ATG10: variants seen among roughly 807,000 people sequenced by gnomAD.
ATG10 encodes autophagy related 10, also known as ubiquitin-like-conjugating enzyme ATG10.
A neutral mutation model predicts 32.1 loss-of-function variants in ATG10; 30 were observed. That is an observed-to-expected ratio of 0.94 (90% confidence interval 0.70 to 1.27). The LOEUF (loss-of-function observed/expected upper bound fraction) is 1.27, where lower values mean the gene tolerates loss of function less well. Ranked by LOEUF, ATG10 falls within the 50% of genes most tolerant of loss-of-function variation. The pLI is 0.00. For synonymous variants in ATG10, 87 were observed against 91.5 expected (o/e 0.95, Z 0.28); for missense variants, 233 against 262.3 (o/e 0.89, Z 0.77).
intron 5 of ATG10, among the ~76,000 whole-genome samples, chr5:82,195,667 T>C (rs944538888): frequency 6.6e-6 from 1 of 152,216 alleles, no homozygotes; most frequent in Non-Finnish European, 1.5e-5. Flanking sequence ...TTCTTTCATT[T>C]GGCATGTTTT....
chr5:82,092,358 C>T (rs1764917607), intron 3 of ATG10, among the ~76,000 whole-genome samples: 1 of 152,058 alleles, frequency 6.6e-6, no homozygotes, highest in Non-Finnish European at 1.5e-5. Flanking sequence ...TATGAAATGA[C>T]AAAGGCTTTT....
rs190726041 is a variant in ATG10, at chr5:82,103,872, C to T, written c.216+45270C>T. Among the ~76,000 whole-genome samples the T allele has an allele frequency of 8.3e-4, 127 of 152,270 alleles. 1 individual carries two copies. The East Asian group carries it at 0.018, about 22-fold the overall frequency. Reference sequence around the variant, plus strand: ...TCTCTCTTGACATTTTCAGTTACTACCTGCCCCCAACAGTCACTACAGATT... The same window carrying T: ...TCTCTCTTGACATTTTCAGTTACTATCTGCCCCCAACAGTCACTACAGATT... On this transcript the variant is annotated intron_variant, in intron 3 of 7. Transcript: ENST00000282185.
At chr5:82,037,251 T>A (rs1762956034) in intron 2 of ATG10, among the ~76,000 whole-genome samples, 1 of 70,312 alleles carries the variant, frequency 1.4e-5, no homozygotes. Context: ...TTTTTTTTTT[T>A]TTTTTTTTTT....
At chr5:82,016,662 G>A (rs1480062478) in intron 2 of ATG10, among the ~76,000 whole-genome samples, 1 of 151,458 alleles carries the variant, frequency 6.6e-6, no homozygotes, top group African/African-American at 2.4e-5. Flanking sequence ...TTTGTAGATT[G>A]CTTTTGGCAG....
chr5:82,046,172 A>G (rs910422523), intron 2 of ATG10, among the ~76,000 whole-genome samples: 1 of 151,966 alleles, frequency 6.6e-6, no homozygotes, highest in Non-Finnish European at 1.5e-5. Flanking sequence ...CGTTTCTCCT[A>G]CCTCTTCCTG....
intron 2 of ATG10, chr5:81,992,237 A>ACCCG (rs1761485978): frequency 2.0e-5 from 3 of 151,742 alleles, no homozygotes; most frequent in Admixed American, 2.0e-4. Flanking sequence ...CTGTCCTCCT[A>ACCCG]CCTTGGCCTC....
chr5:82,071,303 C>T (rs550673724), intron 3 of ATG10, among the ~76,000 whole-genome samples: 1 of 152,110 alleles, frequency 6.6e-6, no homozygotes, highest in African/African-American at 2.4e-5. Flanking sequence ...AGCAGGCATC[C>T]TGATAAGTCA....
intron 2 of ATG10, among the ~76,000 whole-genome samples, chr5:82,041,645 A>G (rs1763085266): frequency 6.6e-6 from 1 of 152,224 alleles, no homozygotes; most frequent in South Asian, 2.1e-4. Context: ...TATTACAAAT[A>G]TGAAAATACA....
intron 5 of ATG10, among the ~76,000 whole-genome samples, chr5:82,222,212 T>G (rs1163340904): frequency 6.6e-6 from 1 of 152,162 alleles, no homozygotes; most frequent in Non-Finnish European, 1.5e-5. Flanking sequence ...ATAATGAAAC[T>G]AGTTAAATGG....
intron 3 of ATG10, among the ~76,000 whole-genome samples, chr5:82,127,528 ATT>A (rs1019005902): frequency 3.5e-4 from 53 of 152,056 alleles, no homozygotes; most frequent in African/African-American, 1.3e-3. Context: ...TTGTGCCTTA[ATT>A]TTCATTATTT....
rs558192456 is a variant in ATG10 at position 82,033,965 on chromosome 5, T to TATAGTATATATACATAC, written c.109-24527_109-24511dup. 3.7e-3 allele frequency among the ~76,000 whole-genome samples: 552 copies of TATAGTATATATACATAC among 147,782 alleles called. 1 individual carries two copies. The highest frequency in any genetic ancestry group is 7.1e-3 in the Admixed American group (105 of 14,720). Reference sequence around the variant, plus strand: ...TACTATGTATATGTATATATACATATATAGTATATATACATACATGTATAT... The same window carrying TATAGTATATATACATAC: ...TACTATGTATATGTATATATACATATATAGTATATATACATACATAGTATATATACATACATGTATAT... On this transcript the variant is annotated intron_variant, in intron 2 of 7. Transcript: ENST00000282185.
intron 2 of ATG10, among the ~76,000 whole-genome samples, chr5:82,025,017 A>G (rs77893574): frequency 0.019 from 2,884 of 152,350 alleles, 33 homozygotes; most frequent in African/African-American, 0.036. Context: ...GTAATGTAAG[A>G]TAGTCAGGAA....
intron 1 of ATG10, among the ~76,000 whole-genome samples, chr5:81,978,711 A>G (rs1760941462): frequency 6.6e-6 from 1 of 152,092 alleles, no homozygotes; most frequent in African/African-American, 2.4e-5. Flanking sequence ...CCCAGGCTAA[A>G]GGGCAGTGTC....
chr5:82,132,548 TC>T (rs1766582927), intron 3 of ATG10, among the ~76,000 whole-genome samples: 1 of 152,064 alleles, frequency 6.6e-6, no homozygotes, highest in East Asian at 1.9e-4. Flanking sequence ...AATGATGGTT[TC>T]CAGCTTCATC....
At chr5:82,131,440 T>C (rs1316925917) in intron 3 of ATG10, among the ~76,000 whole-genome samples, 1 of 152,180 alleles carries the variant, frequency 6.6e-6, no homozygotes, top group Non-Finnish European at 1.5e-5. Flanking sequence ...TGACATTAAA[T>C]AAGTCCTTTA....
intron 5 of ATG10, among the ~76,000 whole-genome samples, chr5:82,223,972 A>G (rs1359812799): frequency 6.6e-6 from 1 of 152,234 alleles, no homozygotes; most frequent in Non-Finnish European, 1.5e-5. Flanking sequence ...CAGAACAAGA[A>G]TATAAAATGC....
intron 2 of ATG10, among the ~76,000 whole-genome samples, chr5:81,999,025 A>G (rs1177655916): frequency 6.6e-6 from 1 of 152,164 alleles, no homozygotes; most frequent in East Asian, 1.9e-4. Context: ...CACTTGACAA[A>G]GCAGACCAAA....
At chr5:82,067,028 G>A (rs1297624953) in intron 3 of ATG10, among the ~76,000 whole-genome samples, 1 of 152,262 alleles carries the variant, frequency 6.6e-6, no homozygotes, top group Middle Eastern at 3.4e-3. Context: ...GCAAATGGAA[G>A]CATGTGGAGT....
chr5:81,983,605 A>C (rs1439382350), intron 1 of ATG10, among the ~76,000 whole-genome samples: 5 of 98,444 alleles, frequency 5.1e-5, no homozygotes, highest in African/African-American at 8.4e-5. Context: ...GGCGCCCCTC[A>C]CCTCCCCGGA....
Sources: gnomAD v4.1 joint callset for allele counts (sites outside exome capture counted in the v4.1 genomes callset) on GRCh38, gnomAD v4.1.1 for gene constraint, MANE v1.5 for transcripts, NCBI Gene and HGNC (gene_info 2026-07-23, HGNC 2026-07-21) for gene names.